Variants in CNBD1 observed in about 807,000 individuals in gnomAD.
CNBD1 encodes cyclic nucleotide-binding domain-containing protein 1.
A neutral mutation model predicts 54.4 loss-of-function variants in CNBD1; 71 were observed. The observed-to-expected ratio is 1.30, with a 90% CI of 1.08 to 1.59. The LOEUF (loss-of-function observed/expected upper bound fraction) is 1.59, where lower values mean the gene tolerates loss of function less well. CNBD1 is among the 40% of genes most tolerant of loss of function. CNBD1 has a pLI of 0.00. For missense variants in CNBD1, 659 were observed against 518.0 expected, an observed-to-expected ratio of 1.27 and a Z score of -2.64; for synonymous variants, 182 against 170.7, an observed-to-expected ratio of 1.07 and a Z score of -0.51.
chr8:87,333,035 T>G (rs1261580470), intron 8 of CNBD1, among the ~76,000 whole-genome samples: 3 of 152,160 alleles, frequency 2.0e-5, no homozygotes, highest in African/African-American at 7.2e-5. Flanking sequence ...GTTTGTGATC[T>G]CTCTTATTTC....
intron 4 of CNBD1, among the ~76,000 whole-genome samples, chr8:87,115,706 TATG>T (rs1488402567): frequency 1.3e-5 from 2 of 152,168 alleles, no homozygotes; most frequent in East Asian, 1.9e-4. Context: ...AAAAAGATGG[TATG>T]ATAAGAGCAG....
chr8:87,299,898 C>T (rs1399742689), intron 8 of CNBD1, among the ~76,000 whole-genome samples: 1 of 152,268 alleles, frequency 6.6e-6, no homozygotes, highest in East Asian at 1.9e-4. Context: ...TCTTCCATCT[C>T]TCTGTTCTTT....
rs11302548 is a variant in CNBD1 at position 87,403,129 on chromosome 8, T to TA, written c.214-25407dup. ...GAATTAGAAGCACCAACATAGAAAA[T>TA]AAAAAAAAAATTGATTTAATTTTTT... On this transcript the variant is annotated intron_variant, in intron 2 of 7. Coordinates refer to the CNBD1 transcript ENST00000521593. Among the ~76,000 whole-genome samples the TA allele has an allele frequency of 2.1e-3, 310 of 151,190 alleles. 1 individual carries two copies. Among genetic ancestry groups the TA allele is most frequent in the East Asian group, 9.0e-3 (46 of 5,086 alleles).
chr8:87,150,422 G>A (rs928753143), intron 4 of CNBD1, among the ~76,000 whole-genome samples: 1 of 152,088 alleles, frequency 6.6e-6, no homozygotes, highest in African/African-American at 2.4e-5. Context: ...AACCATATTA[G>A]ATTAATATTC....
chr8:87,322,188 T>A lies in CNBD1; in HGVS notation c.1043-29497T>A, dbSNP rs539940190. Among the ~76,000 whole-genome samples, 4 of 122,602 alleles carry A rather than the reference T, an allele frequency of 3.3e-5. 1 individual carries two copies. Among genetic ancestry groups the A allele is most frequent in the East Asian group, 2.0e-4 (1 of 4,906 alleles). The allele number at this position is 122,602 out of a possible 152,430, so 80.4% of individuals were successfully genotyped here. A position where few individuals can be genotyped will look rare whatever the true frequency, so the allele number is the denominator to read the frequency against. ...ATGGTGTAAATGTGCCACATTTTCT[T>A]AATCCAGTCTATCATTGTTGGACAT... On this transcript the variant is annotated intron_variant, in intron 8 of 10. Coordinates refer to ENST00000518476, the MANE Select transcript of CNBD1 (RefSeq NM_173538.3).
chr8:86,871,858 A>G (rs867394404), intron 1 of CNBD1, among the ~76,000 whole-genome samples: 4 of 152,228 alleles, frequency 2.6e-5, no homozygotes, highest in African/African-American at 7.2e-5. Context: ...TGAGAGTCAC[A>G]TAGGGCAGAT....
At chr8:87,114,005 T>C (rs922941503) in intron 4 of CNBD1, among the ~76,000 whole-genome samples, 2 of 152,212 alleles carry the variant, frequency 1.3e-5, no homozygotes, top group Non-Finnish European at 2.9e-5. Context: ...AATAATGCTG[T>C]ATTAATCTCA....
chr8:87,189,373 T>G (rs1200952910), intron 4 of CNBD1, among the ~76,000 whole-genome samples: 1 of 152,196 alleles, frequency 6.6e-6, no homozygotes, highest in Non-Finnish European at 1.5e-5. Context: ...GCGTGTTTTA[T>G]GACCCAACCC....
At chr8:87,012,754 A>G (rs2130563208) in intron 4 of CNBD1, among the ~76,000 whole-genome samples, 1 of 152,294 alleles carries the variant, frequency 6.6e-6, no homozygotes, top group East Asian at 1.9e-4. Context: ...AGACAACTTC[A>G]ACCAATTGTC....
At chr8:87,078,000 C>T (rs1431643743) in intron 4 of CNBD1, among the ~76,000 whole-genome samples, 1 of 152,176 alleles carries the variant, frequency 6.6e-6, no homozygotes, top group African/African-American at 2.4e-5. Flanking sequence ...GGGGCTTCAA[C>T]TTCATGACTT....
chr8:87,009,988 A>G (rs960624082), intron 4 of CNBD1, among the ~76,000 whole-genome samples: 2 of 151,776 alleles, frequency 1.3e-5, no homozygotes, highest in South Asian at 4.2e-4. Flanking sequence ...ATGTCACCTA[A>G]TAGTTTTATT....
At chr8:87,032,235 G>T (rs1234625141) in intron 4 of CNBD1, among the ~76,000 whole-genome samples, 1 of 152,126 alleles carries the variant, frequency 6.6e-6, no homozygotes, top group African/African-American at 2.4e-5. Context: ...AATGTGGGGG[G>T]TAGGGGCGTT....
At chr8:87,397,734 C>T (rs931585126) in intron 2 of CNBD1, among the ~76,000 whole-genome samples, 1 of 151,896 alleles carries the variant, frequency 6.6e-6, no homozygotes, top group Non-Finnish European at 1.5e-5. Flanking sequence ...TATAGTCTAG[C>T]TCTTTGTTCC....
intron 4 of CNBD1, among the ~76,000 whole-genome samples, chr8:87,145,565 C>G (rs1586288135): frequency 1.3e-5 from 2 of 151,986 alleles, no homozygotes; most frequent in East Asian, 3.9e-4. Context: ...AGTATGAGAA[C>G]AATTATTTTT....
At chr8:87,198,089 G>A (rs769098187) in intron 4 of CNBD1, among the ~76,000 whole-genome samples, 24 of 152,208 alleles carry the variant, frequency 1.6e-4, no homozygotes, top group Non-Finnish European at 3.4e-4. Flanking sequence ...TTAGTCAAAT[G>A]TTTGCAACAA....
At chr8:87,415,496 T>C (rs1807820009) in intron 2 of CNBD1, among the ~76,000 whole-genome samples, 1 of 152,078 alleles carries the variant, frequency 6.6e-6, no homozygotes, top group African/African-American at 2.4e-5. Flanking sequence ...AACATAGATA[T>C]GCATCCTTGT....
At chr8:87,032,523 G>C (rs909696062) in intron 4 of CNBD1, among the ~76,000 whole-genome samples, 2 of 152,094 alleles carry the variant, frequency 1.3e-5, no homozygotes, top group African/African-American at 4.8e-5. Flanking sequence ...CCACTGAATG[G>C]GCTGAGGAGC....
At chr8:86,969,623 T>A (rs1808172668) in intron 4 of CNBD1, among the ~76,000 whole-genome samples, 1 of 152,044 alleles carries the variant, frequency 6.6e-6, no homozygotes, top group African/African-American at 2.4e-5. Flanking sequence ...ATTTATTATG[T>A]GCATACACAT....
Position 87,178,277 on chromosome 8 carries a change from G to T in CNBD1, c.432-27716G>T, listed in dbSNP as rs180845416. 2.0e-5 allele frequency among the ~76,000 whole-genome samples: 3 copies of T among 152,300 alleles called. No individual in the cohort carries two copies. In the East Asian group the frequency reaches 5.8e-4, roughly 29 times the overall value. Reference sequence around the variant, plus strand: ...TGAGTTCAGGGATGAGTCCTGACAAGAGTAGAGGTGGATAATTCAGTTGTA... The same window carrying T: ...TGAGTTCAGGGATGAGTCCTGACAATAGTAGAGGTGGATAATTCAGTTGTA... On this transcript the variant is annotated intron_variant, in intron 4 of 10. Coordinates refer to ENST00000518476, the MANE Select transcript of CNBD1 (RefSeq NM_173538.3).
Sources: allele counts gnomAD v4.1 joint callset (sites outside exome capture counted in the v4.1 genomes callset), GRCh38; gene constraint gnomAD v4.1.1; transcripts MANE v1.5; gene names NCBI Gene and HGNC (gene_info 2026-07-23, HGNC 2026-07-21).